SLC35D4: variants seen among roughly 807,000 people sequenced by gnomAD.
The protein encoded by SLC35D4 is UDP-N-acetylglucosamine transporter SLC35D4.
the SLC35D4 span, among the ~76,000 whole-genome samples, chr18:23,403,335 G>C: frequency 6.6e-6 from 1 of 152,220 alleles, no homozygotes; most frequent in Non-Finnish European, 1.5e-5. Flanking sequence ...AAAGGACCAT[G>C]CTATACAATA....
At chr18:23,422,261 C>G in the SLC35D4 span, among the ~76,000 whole-genome samples, 1 of 151,920 alleles carries the variant, frequency 6.6e-6, no homozygotes, top group Admixed American at 6.6e-5. Flanking sequence ...CAATAGATAC[C>G]GTTTCAACCC....
chr18:23,279,680 C>G, the SLC35D4 span, among the ~76,000 whole-genome samples: 3 of 152,044 alleles, frequency 2.0e-5, 1 homozygote, highest in South Asian at 6.2e-4. Flanking sequence ...CCTGGAAAGA[C>G]CCCTCCCTCA....
the SLC35D4 span, among the ~76,000 whole-genome samples, chr18:23,280,429 C>T: frequency 6.6e-6 from 1 of 152,232 alleles, no homozygotes; most frequent in East Asian, 1.9e-4. Context: ...CCTGTGTGCA[C>T]CTGAATCTGT....
the SLC35D4 span, among the ~76,000 whole-genome samples, chr18:23,245,953 C>G: frequency 1.9e-4 from 29 of 152,332 alleles, no homozygotes; most frequent in Admixed American, 1.3e-4. Flanking sequence ...ATCCCATGGC[C>G]TGGAGTTAGG....
At chr18:23,291,448 C>A in the SLC35D4 span, among the ~76,000 whole-genome samples, 2 of 152,214 alleles carry the variant, frequency 1.3e-5, no homozygotes, top group African/African-American at 4.8e-5. Context: ...GGCAGGAATT[C>A]ATTCAGGGAC....
the SLC35D4 span, among the ~76,000 whole-genome samples, chr18:23,240,664 C>G: frequency 6.6e-6 from 1 of 152,206 alleles, no homozygotes; most frequent in Non-Finnish European, 1.5e-5. Context: ...CTGCTCACCT[C>G]CCTTAGTATT....
At chr18:23,402,377 G>C in the SLC35D4 span, among the ~76,000 whole-genome samples, 2 of 152,162 alleles carry the variant, frequency 1.3e-5, no homozygotes, top group Admixed American at 1.3e-4. Flanking sequence ...TAGAGTATAT[G>C]CTAAGGGTAG....
chr18:23,393,221 A>T, the SLC35D4 span, among the ~76,000 whole-genome samples: 5 of 147,394 alleles, frequency 3.4e-5, no homozygotes, highest in South Asian at 6.5e-4. Context: ...GGCCTAGATT[A>T]TTTTTTTTTT....
the SLC35D4 span, among the ~76,000 whole-genome samples, chr18:23,389,808 T>A: frequency 2.0e-4 from 30 of 152,184 alleles, no homozygotes. Context: ...CAAAGTGCTG[T>A]GATTTACAGG....
At chr18:23,410,276 G>C in the SLC35D4 span, among the ~76,000 whole-genome samples, 3 of 151,674 alleles carry the variant, frequency 2.0e-5, no homozygotes, top group African/African-American at 7.3e-5. Context: ...GTCAGATCGA[G>C]ACCATCCTGG....
the SLC35D4 span, among the ~76,000 whole-genome samples, chr18:23,261,092 G>A: frequency 6.6e-6 from 1 of 152,182 alleles, no homozygotes; most frequent in African/African-American, 2.4e-5. Context: ...AAACCACAAA[G>A]AAATGCCTCG....
At chr18:23,410,653 C>A in the SLC35D4 span, among the ~76,000 whole-genome samples, 1 of 151,760 alleles carries the variant, frequency 6.6e-6, no homozygotes, top group African/African-American at 2.4e-5. Flanking sequence ...AAAAAGTAGC[C>A]GGGCATCATG....
At chr18:23,265,455 G>A in the SLC35D4 span, among the ~76,000 whole-genome samples, 1 of 151,834 alleles carries the variant, frequency 6.6e-6, no homozygotes, top group South Asian at 2.1e-4. Context: ...GGCAATCTGG[G>A]GTTGTCTATA....
At chr18:23,411,527 AAGAAAGAAAGAAAG>A in the SLC35D4 span, among the ~76,000 whole-genome samples, 2 of 151,496 alleles carry the variant, frequency 1.3e-5, no homozygotes, top group Admixed American at 6.6e-5. Context: ...GAAAGAAAGA[AAGAAAGAAAGAAAG>A]AAAGAAAGAA....
chr18:23,288,255 C>T, the SLC35D4 span, among the ~76,000 whole-genome samples: 8 of 152,314 alleles, frequency 5.3e-5, no homozygotes, highest in Admixed American at 4.6e-4. Context: ...GATGGCAGTT[C>T]CACCAGGCCT....
the SLC35D4 span, among the ~76,000 whole-genome samples, chr18:23,409,707 G>A: frequency 6.6e-6 from 1 of 152,262 alleles, no homozygotes; most frequent in Non-Finnish European, 1.5e-5. Context: ...AGCTGGGCAT[G>A]GTGGCACATG....
the SLC35D4 span, chr18:23,437,683 T>A: frequency 8.0e-7 from 1 of 1,254,218 alleles, no homozygotes; most frequent in Non-Finnish European, 1.1e-6. Flanking sequence ...CCAGGAAGAA[T>A]GAGGTAAAAA....
chr18:23,388,987 C>CTTTT, the SLC35D4 span, among the ~76,000 whole-genome samples: 7 of 126,182 alleles, frequency 5.5e-5, no homozygotes, highest in African/African-American at 1.5e-4. Flanking sequence ...TCAAGTAGTT[C>CTTTT]TTTTTTTTTT....
chr18:23,388,480 T>C, the SLC35D4 span, among the ~76,000 whole-genome samples: 7 of 152,144 alleles, frequency 4.6e-5, no homozygotes, highest in East Asian at 1.9e-4. Context: ...ATGACCCCAA[T>C]CCAGGCCTGT....
Sources: allele counts gnomAD v4.1 joint callset (sites outside exome capture counted in the v4.1 genomes callset), GRCh38; gene constraint gnomAD v4.1.1; transcripts MANE v1.5; gene names NCBI Gene and HGNC (gene_info 2026-07-23, HGNC 2026-07-21).